The following SUSD6 variants were observed in gnomAD, a reference collection of about 807,000 sequenced individuals.
The protein encoded by SUSD6 is sushi domain-containing protein 6.
Under a neutral mutation model 28.4 loss-of-function variants are expected in SUSD6, and 16 were observed. The observed-to-expected ratio is 0.56, with a 90% CI of 0.38 to 0.86. The LOEUF is 0.86. SUSD6 is among the 40% of genes least tolerant of loss of function. SUSD6 has a pLI of 0.00. For synonymous variants in SUSD6, 147 were observed against 159.6 expected (o/e 0.92, Z 0.59); for missense variants, 341 against 384.2 (o/e 0.89, Z 0.94).
intron 2 of SUSD6, among the ~76,000 whole-genome samples, chr14:69,675,716 A>G (rs1885898382): frequency 6.6e-6 from 1 of 152,220 alleles, no homozygotes; most frequent in Non-Finnish European, 1.5e-5. Flanking sequence ...AAACCATCAC[A>G]GCCAGTAAAG....
In SUSD6 at chr14:69,711,253, A is replaced by C. The variant is rs1594726825; in HGVS notation, c.*274A>C. ...GACATATTTGAATGTGCTGGATCAAACCCTCCCTTTTCCTAAGCCTCTGGG... is the reference window on the plus strand; with the variant it reads ...GACATATTTGAATGTGCTGGATCAACCCCTCCCTTTTCCTAAGCCTCTGGG... On this transcript the variant is annotated 3_prime_UTR_variant, in exon 6 of 6. Coordinates refer to ENST00000342745, the MANE Select transcript of SUSD6 (RefSeq NM_014734.4). 2.0e-6 allele frequency: 1 copy of C among 505,388 alleles called. No homozygotes were observed. The highest frequency in any genetic ancestry group is 3.5e-6 in the Non-Finnish European group (1 of 281,932). 31.3% of individuals were successfully genotyped at this position (505,388 alleles called of 1,614,324 possible).
chr14:69,645,886 A>G (rs748233891), intron 1 of SUSD6, among the ~76,000 whole-genome samples: 4 of 152,022 alleles, frequency 2.6e-5, no homozygotes, highest in Non-Finnish European at 1.5e-5. Context: ...AGTAGCTGGG[A>G]CTACAGGTGT....
intron 2 of SUSD6, among the ~76,000 whole-genome samples, chr14:69,669,062 C>CTTTTTTTTTTT (rs58962166): frequency 3.8e-5 from 3 of 77,986 alleles, no homozygotes; most frequent in Non-Finnish European, 5.0e-5. Flanking sequence ...CTTTTCTTTT[C>CTTTTTTTTTTT]TTTTTTTTTT....
rs1468647676 is a variant in SUSD6 at position 69,656,648 on chromosome 14, C to G, written c.-80-1865C>G. 2.0e-5 allele frequency among the ~76,000 whole-genome samples: 3 copies of G among 151,770 alleles called. No homozygotes were observed. In the Admixed American group the frequency reaches 2.0e-4, roughly 10 times the overall value. On this transcript the variant is annotated intron_variant, in intron 1 of 5. Transcript: ENST00000342745. ...TGTTTACTGAGGACTTACAAAGCAC[C>G]AAGCACTTTGCCAGGCACTTTGTCT...
intron 2 of SUSD6, among the ~76,000 whole-genome samples, chr14:69,662,200 C>A (rs118106760): frequency 0.014 from 2,072 of 152,204 alleles, 15 homozygotes; most frequent in Non-Finnish European, 0.021. Context: ...CTGTAGTAGA[C>A]CCTGGCTATA....
Position 69,714,207 on chromosome 14 carries a change from A to C in SUSD6, c.*3228A>C, listed in dbSNP as rs1886513040. The stretch of plus-strand genomic sequence containing the variant: ...ATCTTGCCCTCCCCCTCCTCCCGCC[A>C]GCTTTAAAGTTCAGTGGAGAAGCCA... On this transcript the variant is annotated 3_prime_UTR_variant, in exon 6 of 6. Transcript: ENST00000342745. 6.6e-6 allele frequency: 1 copy of C among 152,090 alleles called. No individual in the cohort carries two copies. The highest frequency in any genetic ancestry group is 6.6e-5 in the Admixed American group (1 of 15,250). The allele number at this position is 152,090 out of a possible 1,614,324, so 9.4% of individuals were successfully genotyped here. A position where few individuals can be genotyped will look rare whatever the true frequency, so the allele number is the denominator to read the frequency against.
At chr14:69,694,095 CA>C (rs3837666) in intron 2 of SUSD6, among the ~76,000 whole-genome samples, 119,190 of 152,112 alleles carry the variant, frequency 0.78, 47,876 homozygotes, top group South Asian at 0.89. Context: ...ACTAGGGATA[CA>C]AAAATGAGCA....
intron 2 of SUSD6, among the ~76,000 whole-genome samples, chr14:69,688,747 T>C (rs1320538163): frequency 6.6e-6 from 1 of 152,184 alleles, no homozygotes; most frequent in Non-Finnish European, 1.5e-5. Context: ...GAAAATAGTT[T>C]CCAGGGGATG....
In SUSD6 at chr14:69,675,779, G is replaced by A. The variant is rs111230942; in HGVS notation, c.121+17066G>A. Among the ~76,000 whole-genome samples the A allele has an allele frequency of 1.8e-3, 277 of 152,182 alleles. 2 individuals carry two copies. The highest frequency in any genetic ancestry group is 6.4e-3 in the African/African-American group (267 of 41,536). ...TCCCATTACAAATCAAATACTTTTT[G>A]TTTATTATTGTTATTATTTTTAGAG... On this transcript the variant is annotated intron_variant, in intron 2 of 5. Transcript: ENST00000342745.
At position 69,618,842 on chromosome 14, in the gene SUSD6, T is replaced by C. The variant is rs139747646; in HGVS notation, c.-81+7014T>C. ...GGTTGAGTGAAGTGAGATGAGACTC[T>C]TAGTTGAAGATCCAGATGCTTCACT... On this transcript the variant is annotated intron_variant, in intron 1 of 5. Transcript: ENST00000342745. Among the ~76,000 whole-genome samples, 55 of 152,348 alleles carry C rather than the reference T, an allele frequency of 3.6e-4. No individual in the cohort carries two copies. In the East Asian group the frequency reaches 0.01, roughly 28 times the overall value.
intron 1 of SUSD6, among the ~76,000 whole-genome samples, chr14:69,612,439 G>A (rs1884892940): frequency 6.6e-6 from 1 of 152,180 alleles, no homozygotes; most frequent in African/African-American, 2.4e-5. Context: ...TCAAAAAGTA[G>A]GCACGTACAT....
At position 69,708,771 on chromosome 14, in the gene SUSD6, T is replaced by G. The variant is rs765907453; in HGVS notation, c.553T>G (p.Ser185Ala). ...ATACGAGGAGGCTGTATATGGCAGT[T>G]CTGGTCACTGTGTGCCACCTGCTGA... ...PSYEEAVYGSSGHCVPPADPR... is the reference protein window; with the variant it reads ...PSYEEAVYGSAGHCVPPADPR... The change falls in exon 5 of 6, where the codon TCT becomes GCT. Residue 185 changes from serine to alanine, a missense_variant. Transcript: ENST00000342745. The G allele has an allele frequency of 2.5e-6, 4 of 1,614,168 alleles. No individual in the cohort carries two copies. In the South Asian group the frequency reaches 3.3e-5, roughly 13 times the overall value.
intron 1 of SUSD6, chr14:69,615,476 G>C (rs1884946227): frequency 6.6e-6 from 1 of 152,190 alleles, no homozygotes; most frequent in Non-Finnish European, 1.5e-5. Flanking sequence ...GTTCTTCTTG[G>C]GCTGATGTGT....
At chr14:69,636,892 G>A (rs1885273629) in intron 1 of SUSD6, among the ~76,000 whole-genome samples, 1 of 152,214 alleles carries the variant, frequency 6.6e-6, no homozygotes, top group Non-Finnish European at 1.5e-5. Context: ...GGAGAATGGG[G>A]TTCTGGTTCA....
chr14:69,614,818 G>A (rs943173145), intron 1 of SUSD6, among the ~76,000 whole-genome samples: 6 of 152,232 alleles, frequency 3.9e-5, no homozygotes, highest in Non-Finnish European at 5.9e-5. Context: ...GAGGGCACAC[G>A]TGGTTGTCTT....
chr14:69,705,185 G>A (rs111496529), intron 4 of SUSD6, among the ~76,000 whole-genome samples: 1 of 151,876 alleles, frequency 6.6e-6, no homozygotes, highest in South Asian at 2.1e-4. Context: ...GGGTGTGGTG[G>A]CGCGCGCCTG....
At chr14:69,657,390 G>A (rs1395493274) in intron 1 of SUSD6, among the ~76,000 whole-genome samples, 3 of 152,146 alleles carry the variant, frequency 2.0e-5, no homozygotes, top group African/African-American at 2.4e-5. Flanking sequence ...GGGAGGTGGA[G>A]GTTGCAGTGA....
chr14:69,697,961 C>T (rs1475986807), intron 2 of SUSD6, among the ~76,000 whole-genome samples: 1 of 152,206 alleles, frequency 6.6e-6, no homozygotes, highest in Admixed American at 6.5e-5. Context: ...CAGACCCCAA[C>T]AGAGGATTCT....
chr14:69,677,391 A>G (rs1458493511), intron 2 of SUSD6, among the ~76,000 whole-genome samples: 1 of 151,670 alleles, frequency 6.6e-6, no homozygotes, highest in East Asian at 1.9e-4. Context: ...TAAAAATACA[A>G]AAAAAATTAG....
Sources: gnomAD v4.1 joint callset for allele counts (sites outside exome capture counted in the v4.1 genomes callset) on GRCh38, gnomAD v4.1.1 for gene constraint, MANE v1.5 for transcripts, NCBI Gene and HGNC (gene_info 2026-07-23, HGNC 2026-07-21) for gene names.